DLG1: variants seen among roughly 807,000 people sequenced by gnomAD.
The protein encoded by DLG1 is disks large homolog 1.
A neutral mutation model predicts 123.4 loss-of-function variants in DLG1; 42 were observed. The ratio of observed to expected loss-of-function variants is 0.34; its 90% CI spans 0.27 to 0.44. The LOEUF (loss-of-function observed/expected upper bound fraction) is 0.44. Among genes scored for constraint, DLG1 ranks in the 20% least tolerant of loss-of-function variants. The probability of loss-of-function intolerance (pLI) is 1.00; values close to 1 mark genes in which losing one functional copy is unlikely to be tolerated. For missense variants in DLG1, 942 were observed against 1,082.6 expected, an observed-to-expected ratio of 0.87 and a Z score of 1.82; for synonymous variants, 317 against 356.2, an observed-to-expected ratio of 0.89 and a Z score of 1.24.
At chr3:197,089,231 G>A (rs1326070776) in intron 15 of DLG1, among the ~76,000 whole-genome samples, 1 of 152,054 alleles carries the variant, frequency 6.6e-6, no homozygotes, top group Admixed American at 6.6e-5. Flanking sequence ...ATAATATATG[G>A]TTTTAAAAAA....
At chr3:197,279,208 T>C (rs781244434) in intron 4 of DLG1, among the ~76,000 whole-genome samples, 5 of 152,202 alleles carry the variant, frequency 3.3e-5, no homozygotes, top group East Asian at 1.9e-4. Context: ...CTTTCTCTCA[T>C]AGCACCTTCA....
intron 4 of DLG1, among the ~76,000 whole-genome samples, chr3:197,247,191 G>C (rs1251078470): frequency 1.3e-5 from 2 of 152,156 alleles, no homozygotes; most frequent in East Asian, 3.9e-4. Context: ...AGAGGTGGAG[G>C]GGAAAGGGAA....
At chr3:197,296,868 CCA>C (rs1777617315) in intron 2 of DLG1, 1 of 365,362 alleles carries the variant, frequency 2.7e-6, no homozygotes, top group Non-Finnish European at 4.9e-6. Context: ...TCTTAGTATC[CCA>C]CAGTTGCTTA....
chr3:197,162,537 T>C (rs1799219930), intron 5 of DLG1, among the ~76,000 whole-genome samples: 1 of 152,192 alleles, frequency 6.6e-6, no homozygotes, highest in African/African-American at 2.4e-5. Flanking sequence ...GGGCTTATCT[T>C]CATTCATAAA....
intron 5 of DLG1, among the ~76,000 whole-genome samples, chr3:197,173,472 A>G (rs1805326111): frequency 6.6e-6 from 1 of 152,202 alleles, no homozygotes; most frequent in South Asian, 2.1e-4. Context: ...GGCACAGGCG[A>G]TATGGCAGAA....
intron 7 of DLG1, 137 bp from the exon 8 acceptor site, chr3:197,140,401 T>C: frequency 3.7e-6 from 3 of 815,536 alleles, no homozygotes; most frequent in Non-Finnish European, 5.4e-6. Context: ...AATATAAAGA[T>C]TCTAAATTAA....
At chr3:197,141,490 C>T (rs892310152) in intron 7 of DLG1, among the ~76,000 whole-genome samples, 2 of 152,102 alleles carry the variant, frequency 1.3e-5, no homozygotes, top group East Asian at 1.9e-4. Context: ...GCAAGTGATC[C>T]GAATTTAAGT....
chr3:197,095,114 TTAC>T (rs1452887423), intron 14 of DLG1, among the ~76,000 whole-genome samples: 1 of 152,070 alleles, frequency 6.6e-6, no homozygotes, highest in Non-Finnish European at 1.5e-5. Flanking sequence ...TTGTTTCTTC[TTAC>T]TAATTTTTTT....
intron 5 of DLG1, among the ~76,000 whole-genome samples, chr3:197,170,500 T>C (rs1321849286): frequency 6.6e-6 from 1 of 152,232 alleles, no homozygotes; most frequent in African/African-American, 2.4e-5. Flanking sequence ...ATTTCTCTAA[T>C]GATCAGTGAC....
intron 13 of DLG1, 59 bp from the exon 14 acceptor site, chr3:197,105,064 A>AGTG: frequency 1.8e-6 from 2 of 1,129,686 alleles, no homozygotes; most frequent in Non-Finnish European, 2.6e-6. Flanking sequence ...TAGAAATCAC[A>AGTG]ATAGTCTATT....
At chr3:197,217,079 C>T (rs1174099992) in intron 4 of DLG1, among the ~76,000 whole-genome samples, 1 of 152,280 alleles carries the variant, frequency 6.6e-6, no homozygotes, top group East Asian at 1.9e-4. Context: ...GCATTTTCAT[C>T]CACTTAGTCA....
At chr3:197,128,775 G>A (rs1250148313) in intron 11 of DLG1, among the ~76,000 whole-genome samples, 1 of 152,114 alleles carries the variant, frequency 6.6e-6, no homozygotes, top group African/African-American at 2.4e-5. Flanking sequence ...CCTGCACACT[G>A]CCATCATAGC....
intron 5 of DLG1, among the ~76,000 whole-genome samples, chr3:197,187,818 C>T (rs1017469513): frequency 5.9e-5 from 9 of 152,150 alleles, no homozygotes; most frequent in Non-Finnish European, 8.8e-5. Context: ...CCAAAATTTA[C>T]CCACTGTGTC....
intron 4 of DLG1, among the ~76,000 whole-genome samples, chr3:197,235,845 G>A (rs549660496): frequency 2.6e-5 from 4 of 152,056 alleles, no homozygotes; most frequent in Non-Finnish European, 5.9e-5. Context: ...AGAATTAGCA[G>A]ATAAAAACTC....
chr3:197,182,885 TTA>T (rs1324936431), intron 5 of DLG1, among the ~76,000 whole-genome samples: 1 of 152,154 alleles, frequency 6.6e-6, no homozygotes, highest in African/African-American at 2.4e-5. Flanking sequence ...AAAAGTGGTG[TTA>T]TGTGATTTTT....
chr3:197,244,454 G>A (rs537523951), intron 4 of DLG1, among the ~76,000 whole-genome samples: 27 of 152,032 alleles, frequency 1.8e-4, no homozygotes, highest in East Asian at 3.9e-4. Context: ...TTTGCATCTC[G>A]GTACCCTGTT....
chr3:197,200,908 C>T (rs1035910918), intron 4 of DLG1, among the ~76,000 whole-genome samples: 2 of 152,096 alleles, frequency 1.3e-5, no homozygotes, highest in Admixed American at 1.3e-4. Flanking sequence ...AAAAGCATTC[C>T]CTCTAAGAAC....
intron 6 of DLG1, among the ~76,000 whole-genome samples, chr3:197,149,243 A>G (rs1047840015): frequency 6.6e-6 from 1 of 152,194 alleles, no homozygotes; most frequent in African/African-American, 2.4e-5. Flanking sequence ...GGCAACTGCT[A>G]ATCTACTTTC....
chr3:197,151,378 T>C (rs985027287), intron 5 of DLG1, among the ~76,000 whole-genome samples: 1 of 152,202 alleles, frequency 6.6e-6, no homozygotes, highest in African/African-American at 2.4e-5. Context: ...TTATGTTAGC[T>C]GTTTATCAGT....
Sources: allele counts gnomAD v4.1 joint callset (sites outside exome capture counted in the v4.1 genomes callset), GRCh38; gene constraint gnomAD v4.1.1; transcripts MANE v1.5; gene names NCBI Gene and HGNC (gene_info 2026-07-23, HGNC 2026-07-21).